Variants in GAN observed in about 807,000 individuals in gnomAD.
GAN encodes gigaxonin, also known as epididymis secretory sperm binding protein.
GAN carries 48 observed loss-of-function variants against 71.3 expected under a neutral mutation model. That is an observed-to-expected ratio of 0.67 (90% CI 0.53 to 0.86). The LOEUF is 0.86. Ranked by LOEUF, GAN falls within the 40% of genes least tolerant of loss-of-function variation. The probability of loss-of-function intolerance (pLI) is 0.00; values close to 1 mark genes in which losing one functional copy is unlikely to be tolerated. For synonymous variants in GAN, 386 were observed against 276.8 expected (o/e 1.39, Z -3.92); for missense variants, 928 against 770.1 (o/e 1.21, Z -2.43).
chr16:81,321,900 A>G (rs766431804), intron 1 of GAN, among the ~76,000 whole-genome samples: 1 of 152,212 alleles, frequency 6.6e-6, no homozygotes, highest in Non-Finnish European at 1.5e-5. Flanking sequence ...CCTAAGCCAC[A>G]ACAAATCCAA....
intron 1 of GAN, among the ~76,000 whole-genome samples, chr16:81,316,545 A>G (rs2150664476): frequency 6.6e-6 from 1 of 152,176 alleles, no homozygotes; most frequent in South Asian, 2.1e-4. Context: ...CAGAATTTGG[A>G]TTGCTAATGT....
chr16:81,331,639 C>T (rs1224379130), intron 1 of GAN, among the ~76,000 whole-genome samples: 1 of 152,194 alleles, frequency 6.6e-6, no homozygotes, highest in Non-Finnish European at 1.5e-5. Context: ...GGCTCTTCCC[C>T]ACGTCCCACC....
At position 81,378,774 on chromosome 16, in the gene GAN, A is replaced by T. The variant is rs370216940; in HGVS notation, c.*1178A>T. On this transcript the variant is annotated 3_prime_UTR_variant, in exon 11 of 11. Transcript: ENST00000648994. ...TTTCATTCTGTTCATAGTAGAGCAAATTAATCTTTTCCTCCTTCCCTCCTT... is the reference window on the plus strand; with the variant it reads ...TTTCATTCTGTTCATAGTAGAGCAATTTAATCTTTTCCTCCTTCCCTCCTT... The T allele has an allele frequency of 4.6e-5, 7 of 152,620 alleles. No homozygotes were observed. Among genetic ancestry groups the T allele is most frequent in the African/African-American group, 1.4e-4 (6 of 41,444 alleles). 9.5% of individuals were successfully genotyped at this position (152,620 alleles called of 1,614,324 possible). A position where few individuals can be genotyped will look rare whatever the true frequency, so the allele number is the denominator to read the frequency against.
At chr16:81,355,615 A>T (rs1910461292) in intron 3 of GAN, among the ~76,000 whole-genome samples, 1 of 152,172 alleles carries the variant, frequency 6.6e-6, no homozygotes, top group African/African-American at 2.4e-5. Flanking sequence ...CTCCCACTCT[A>T]GCTTCCCAAA....
chr16:81,318,009 G>A (rs767125509), intron 1 of GAN, among the ~76,000 whole-genome samples: 2 of 152,132 alleles, frequency 1.3e-5, no homozygotes, highest in Non-Finnish European at 2.9e-5. Context: ...TTCCGAAGCT[G>A]TTTCAAAGTA....
At chr16:81,362,053 C>T (rs905710595) in intron 5 of GAN, among the ~76,000 whole-genome samples, 7 of 152,284 alleles carry the variant, frequency 4.6e-5, no homozygotes, top group Admixed American at 1.3e-4. Flanking sequence ...TACATGAAAT[C>T]GGAAGTTCAG....
intron 2 of GAN, 87 bp from the exon 3 acceptor site, chr16:81,354,318 A>G (rs1910410966): frequency 1.2e-6 from 1 of 842,768 alleles, no homozygotes; most frequent in East Asian, 2.4e-5. Context: ...AATAAATGGA[A>G]ATTTCATGTG....
At chr16:81,363,216 C>G (rs898220617) in intron 6 of GAN, among the ~76,000 whole-genome samples, 3 of 152,234 alleles carry the variant, frequency 2.0e-5, no homozygotes, top group African/African-American at 7.2e-5. Context: ...AACTTGAAAA[C>G]ACTGCCCTTT....
chr16:81,365,600 C>T (rs1432856636), intron 9 of GAN, 122 bp downstream of exon 9: 2 of 906,022 alleles, frequency 2.2e-6, no homozygotes, highest in Non-Finnish European at 3.7e-6. Flanking sequence ...GAGATAACGT[C>T]TCATGCATAC....
intron 1 of GAN, among the ~76,000 whole-genome samples, chr16:81,317,251 C>T (rs1010750729): frequency 3.3e-5 from 5 of 152,208 alleles, no homozygotes; most frequent in Admixed American, 3.3e-4. Context: ...TTCTTTCTAC[C>T]ACAGCAAATG....
chr16:81,367,816 G>A (rs1910909908), intron 9 of GAN, among the ~76,000 whole-genome samples: 1 of 152,216 alleles, frequency 6.6e-6, no homozygotes, highest in Non-Finnish European at 1.5e-5. Flanking sequence ...AGAAGCTGAG[G>A]TGGGATCTGA....
At chr16:81,355,507 G>A (rs1203552399) in intron 3 of GAN, among the ~76,000 whole-genome samples, 1 of 152,128 alleles carries the variant, frequency 6.6e-6, no homozygotes, top group African/African-American at 2.4e-5. Context: ...AGGACCACAG[G>A]CGTGTGCCAC....
rs9933250 is a variant in GAN at position 81,363,633 on chromosome 16, T to C, written c.1087-161T>C. On this transcript the variant is annotated intron_variant, in intron 6 of 10. Transcript: ENST00000648994. ...ACCAAGCGTCGTACCCAATAGTTAG[T>C]GTTTCAGCCCTTGCTCCTCTCCCTG... 0.21 allele frequency among the ~76,000 whole-genome samples: 32,408 copies of C among 152,112 alleles called. 4,867 individuals are homozygous for C. The highest frequency in any genetic ancestry group is 0.69 in the East Asian group (3,542 of 5,168).
chr16:81,365,197 CT>C, intron 8 of GAN, 87 bp downstream of exon 8: 1 of 1,568,456 alleles, frequency 6.4e-7, no homozygotes, highest in Middle Eastern at 2.2e-4. Context: ...TTGTTCTTTT[CT>C]TTCAGAGTAA....
chr16:81,341,871 G>T (rs1909954559), intron 1 of GAN, among the ~76,000 whole-genome samples: 1 of 152,322 alleles, frequency 6.6e-6, no homozygotes, highest in Middle Eastern at 3.4e-3. Context: ...CCATCAGTGT[G>T]CTGTGTTCAG....
rs1904308634 is a variant in GAN at position 81,382,133 on chromosome 16, A to G, written c.*4537A>G. The G allele has an allele frequency of 6.6e-6, 1 of 151,998 alleles. No individual in the cohort carries two copies. Among genetic ancestry groups the G allele is most frequent in the African/African-American group, 2.4e-5 (1 of 41,344 alleles). 9.4% of individuals were successfully genotyped at this position (151,998 alleles called of 1,614,324 possible). A position where few individuals can be genotyped will look rare whatever the true frequency, so the allele number is the denominator to read the frequency against. On this transcript the variant is annotated 3_prime_UTR_variant, in exon 11 of 11. Transcript: ENST00000648994. ...CTCACACCTCTGGAATAGGCAGGGCACTCTCCCCATTGTACCAGGGTAATC... is the reference window on the plus strand; with the variant it reads ...CTCACACCTCTGGAATAGGCAGGGCGCTCTCCCCATTGTACCAGGGTAATC...
In GAN at chr16:81,377,755, C is replaced by T. The variant is rs76000455; in HGVS notation, c.*159C>T. 13,879 of 723,094 alleles carry T rather than the reference C, an allele frequency of 0.019. 434 individuals carry two copies. The highest frequency in any genetic ancestry group is 0.12 in the East Asian group (4,659 of 38,490). 44.8% of individuals were successfully genotyped at this position (723,094 alleles called of 1,614,324 possible). A position where few individuals can be genotyped will look rare whatever the true frequency, so the allele number is the denominator to read the frequency against. On this transcript the variant is annotated 3_prime_UTR_variant, in exon 11 of 11. Transcript: ENST00000648994. ...ATGCTTACAAACTTGAGCTTTAGCT[C>T]TTGTTTGGGAGAACACGTAACTGTT...
At chr16:81,331,737 A>G (rs8062704) in intron 1 of GAN, among the ~76,000 whole-genome samples, 88,189 of 152,086 alleles carry the variant, frequency 0.58, 27,485 homozygotes, top group Middle Eastern at 0.77. Flanking sequence ...AGTTGTATAC[A>G]ATATAGAGCA....
At chr16:81,333,691 T>A (rs1909662745) in intron 1 of GAN, among the ~76,000 whole-genome samples, 1 of 152,216 alleles carries the variant, frequency 6.6e-6, no homozygotes, top group Non-Finnish European at 1.5e-5. Context: ...GGATGGAGAC[T>A]ACCAACTAGT....
Sources: gnomAD v4.1 joint callset for allele counts (sites outside exome capture counted in the v4.1 genomes callset) on GRCh38, gnomAD v4.1.1 for gene constraint, MANE v1.5 for transcripts, NCBI Gene and HGNC (gene_info 2026-07-23, HGNC 2026-07-21) for gene names.